EDIL3: variants seen among roughly 807,000 people sequenced by gnomAD.
The protein encoded by EDIL3 is EGF like and discoidin domains 3, also known as EGF-like repeat and discoidin I-like domain-containing protein 3.
Under a neutral mutation model 67.4 loss-of-function variants are expected in EDIL3, and 37 were observed. The observed-to-expected ratio is 0.55, with a 90% CI of 0.42 to 0.72. The LOEUF is 0.72. Among genes scored for constraint, EDIL3 ranks in the 30% least tolerant of loss-of-function variants. The pLI, the probability that EDIL3 is intolerant of heterozygous loss-of-function variation, is 0.00. For synonymous variants in EDIL3, 195 were observed against 196.3 expected (o/e 0.99, Z 0.05); for missense variants, 527 against 586.3 (o/e 0.90, Z 1.04).
intron 9 of EDIL3, among the ~76,000 whole-genome samples, chr5:84,020,644 G>A (rs1290723129): frequency 2.6e-5 from 4 of 151,580 alleles, no homozygotes; most frequent in Non-Finnish European, 5.9e-5. Context: ...TACACACTTT[G>A]GTATTGAGAT....
intron 4 of EDIL3, among the ~76,000 whole-genome samples, chr5:84,165,813 G>A: frequency 6.6e-6 from 1 of 152,112 alleles, no homozygotes. Context: ...TGCTGAATAA[G>A]TGCTTGTAGA....
chr5:84,126,741 G>A (rs1469892813), intron 5 of EDIL3, among the ~76,000 whole-genome samples: 1 of 151,934 alleles, frequency 6.6e-6, no homozygotes, highest in Admixed American at 6.6e-5. Flanking sequence ...TCTCATCAAA[G>A]GACACTTCTG....
chr5:83,954,587 A>G (rs1463086994), intron 10 of EDIL3, among the ~76,000 whole-genome samples: 2 of 151,776 alleles, frequency 1.3e-5, no homozygotes, highest in Non-Finnish European at 2.9e-5. Context: ...CCAGAAGCCA[A>G]GCAGATTCTG....
At chr5:84,295,444 G>A (rs1746030356) in intron 1 of EDIL3, among the ~76,000 whole-genome samples, 1 of 151,776 alleles carries the variant, frequency 6.6e-6, no homozygotes, top group South Asian at 2.1e-4. Context: ...CATAACAGTG[G>A]AGTATTAATA....
At chr5:84,215,015 C>T (rs368803891) in intron 3 of EDIL3, among the ~76,000 whole-genome samples, 22 of 152,212 alleles carry the variant, frequency 1.4e-4, no homozygotes, top group African/African-American at 3.9e-4. Flanking sequence ...CCACCGCACC[C>T]GGCCCTATGT....
At chr5:84,363,386 G>A (rs1225962423) in intron 1 of EDIL3, among the ~76,000 whole-genome samples, 1 of 150,766 alleles carries the variant, frequency 6.6e-6, no homozygotes, top group Non-Finnish European at 1.5e-5. Context: ...GGAAGTGGAG[G>A]TTGCAGTGAG....
chr5:84,056,472 TA>T (rs989757464), intron 9 of EDIL3, among the ~76,000 whole-genome samples: 3 of 151,694 alleles, frequency 2.0e-5, no homozygotes, highest in East Asian at 1.9e-4. Context: ...TAAAGTATAA[TA>T]AAAAAATATA....
rs79255034 is a variant in EDIL3, at chr5:84,185,150, C to T, written c.227-4629G>A. Among the ~76,000 whole-genome samples, 67 of 152,218 alleles carry T rather than the reference C, an allele frequency of 4.4e-4. No individual in the cohort carries two copies. In the East Asian group the frequency reaches 0.011, roughly 24 times the overall value. On this transcript the variant is annotated intron_variant, in intron 3 of 10. Transcript: ENST00000296591. ...CCATCTGAAAAAGCATAGATTTTAA[C>T]ACACTCTGCCTAACTATAAAGTCTA...
At chr5:84,294,137 A>G (rs1745987254) in intron 1 of EDIL3, among the ~76,000 whole-genome samples, 4 of 151,966 alleles carry the variant, frequency 2.6e-5, no homozygotes, top group Admixed American at 2.0e-4. Flanking sequence ...TAATCCCAGC[A>G]CTTCAGGAGG....
At chr5:84,048,559 C>G (rs980392316) in intron 9 of EDIL3, among the ~76,000 whole-genome samples, 3 of 151,894 alleles carry the variant, frequency 2.0e-5, no homozygotes, top group Admixed American at 6.6e-5. Context: ...TGCAGACTAC[C>G]TTAAATTAGC....
rs70975548 is a variant in EDIL3 at position 84,252,493 on chromosome 5, CA to C, written c.196+1590del. Among the ~76,000 whole-genome samples, 230 of 28,928 alleles carry C rather than the reference CA, an allele frequency of 8.0e-3. 1 individual carries two copies. Among genetic ancestry groups the C allele is most frequent in the South Asian group, 0.029 (9 of 308 alleles). 19.0% of individuals were successfully genotyped at this position (28,928 alleles called of 152,430 possible). On this transcript the variant is annotated intron_variant, in intron 2 of 10. Transcript: ENST00000296591. ...TGTGCGACAAAGTGAGACTCCGTCTCAAAAAAAAAAAAAAAAAAAAAAAAAT... is the reference window on the plus strand; with the variant it reads ...TGTGCGACAAAGTGAGACTCCGTCTCAAAAAAAAAAAAAAAAAAAAAAAAT...
intron 1 of EDIL3, among the ~76,000 whole-genome samples, chr5:84,266,635 C>G (rs1226866861): frequency 2.0e-5 from 3 of 152,118 alleles, no homozygotes; most frequent in Non-Finnish European, 4.4e-5. Context: ...ACCTCTGATG[C>G]TCTCAGAGTT....
chr5:84,040,539 G>C (rs916429316), intron 9 of EDIL3, among the ~76,000 whole-genome samples: 4 of 149,672 alleles, frequency 2.7e-5, no homozygotes, highest in Non-Finnish European at 4.4e-5. Flanking sequence ...ATTCTAGCCA[G>C]AGAACACTTA....
At chr5:84,192,530 C>T (rs1743614437) in intron 3 of EDIL3, among the ~76,000 whole-genome samples, 1 of 151,830 alleles carries the variant, frequency 6.6e-6, no homozygotes, top group South Asian at 2.1e-4. Flanking sequence ...CTAGATAGCC[C>T]AAAGTTTCAT....
chr5:84,316,142 T>C (rs912318080), intron 1 of EDIL3, among the ~76,000 whole-genome samples: 1 of 152,054 alleles, frequency 6.6e-6, no homozygotes, highest in African/African-American at 2.4e-5. Context: ...ACCAGTACCA[T>C]CCACGACAAA....
chr5:84,037,999 T>G (rs1173561529), intron 9 of EDIL3, among the ~76,000 whole-genome samples: 1 of 140,326 alleles, frequency 7.1e-6, no homozygotes, highest in South Asian at 2.2e-4. Context: ...TTTTTTTTTT[T>G]TTTTTTTTTT....
intron 5 of EDIL3, among the ~76,000 whole-genome samples, chr5:84,121,792 G>T (rs574001746): frequency 1.3e-5 from 2 of 151,960 alleles, no homozygotes; most frequent in East Asian, 3.9e-4. Context: ...GCCAATTCTG[G>T]GGTACAAAAA....
At chr5:84,352,850 T>A (rs187894732) in intron 1 of EDIL3, among the ~76,000 whole-genome samples, 3 of 152,050 alleles carry the variant, frequency 2.0e-5, no homozygotes, top group Admixed American at 6.6e-5. Flanking sequence ...CAAAAAATAA[T>A]AAAAATGAAA....
chr5:84,298,408 A>G (rs1226367835), intron 1 of EDIL3, among the ~76,000 whole-genome samples: 3 of 152,128 alleles, frequency 2.0e-5, no homozygotes, highest in East Asian at 1.9e-4. Flanking sequence ...GTTCTCACTT[A>G]TAAGTGGGGG....
Sources: gnomAD v4.1 joint callset for allele counts (sites outside exome capture counted in the v4.1 genomes callset) on GRCh38, gnomAD v4.1.1 for gene constraint, MANE v1.5 for transcripts, NCBI Gene and HGNC (gene_info 2026-07-23, HGNC 2026-07-21) for gene names.